TOM1L2: variants seen among roughly 807,000 people sequenced by gnomAD.
TOM1L2 encodes TOM1-like protein 2.
In TOM1L2, 31 loss-of-function variants were observed where a neutral mutation model predicts 67.9. The ratio of observed to expected loss-of-function variants is 0.46; its 90% confidence interval spans 0.34 to 0.62. The LOEUF is 0.62. TOM1L2 is among the 20% of genes least tolerant of loss of function. The pLI is 0.01. For synonymous variants in TOM1L2, 256 were observed against 254.0 expected (o/e 1.01, Z -0.07); for missense variants, 606 against 663.5 (o/e 0.91, Z 0.95).
At position 17,960,973 on chromosome 17, in the gene TOM1L2, C is replaced by G. The variant is rs528294689; in HGVS notation, c.52+11289G>C. On this transcript the variant is annotated intron_variant, in intron 1 of 14. Transcript: ENST00000379504. ...TAAAACTTTTGTGCATTAAAGGACA[C>G]TATAAACAGAGTATAAAAAGGCAAC... Among the ~76,000 whole-genome samples, 26 of 152,188 alleles carry G rather than the reference C, an allele frequency of 1.7e-4. 2 individuals are homozygous for G. In the South Asian group the frequency reaches 5.2e-3, roughly 30 times the overall value.
chr17:17,939,600 G>A (rs895084068), intron 1 of TOM1L2, among the ~76,000 whole-genome samples: 1 of 152,092 alleles, frequency 6.6e-6, no homozygotes, highest in Admixed American at 6.5e-5. Context: ...AATCTAATAG[G>A]TCATGAGTTG....
At chr17:17,946,917 G>C (rs1023383932) in intron 1 of TOM1L2, among the ~76,000 whole-genome samples, 1 of 152,150 alleles carries the variant, frequency 6.6e-6, no homozygotes, top group African/African-American at 2.4e-5. Context: ...TAGAAATGGA[G>C]TTTTACCACG....
chr17:17,929,214 T>C (rs2040225597), intron 1 of TOM1L2, among the ~76,000 whole-genome samples: 1 of 152,224 alleles, frequency 6.6e-6, no homozygotes, highest in Non-Finnish European at 1.5e-5. Flanking sequence ...ACTGCCCATC[T>C]AGACAGAAGT....
In TOM1L2 at chr17:17,861,460, AG is replaced by A; in HGVS notation, c.1278+15del. The A allele has an allele frequency of 6.2e-7, 1 of 1,611,964 alleles. No homozygotes were observed. The highest frequency in any genetic ancestry group is 1.3e-5 in the African/African-American group (1 of 74,984). On this transcript the variant is annotated intron_variant, in intron 12 of 14. Transcript: ENST00000379504. ...TCCAGAAGACTCCAGGCAGAAAAAC[AG>A]GGTTAAAGACCTACCCCTTCTGAAC...
intron 2 of TOM1L2, 43 bp downstream of exon 2, chr17:17,907,404 T>C: frequency 6.3e-7 from 1 of 1,595,984 alleles, no homozygotes; most frequent in Non-Finnish European, 8.6e-7. Context: ...GAGTGGCCCC[T>C]AAAAGCTCAG....
At chr17:17,888,794 A>C (rs2038121501) in intron 4 of TOM1L2, among the ~76,000 whole-genome samples, 1 of 152,226 alleles carries the variant, frequency 6.6e-6, no homozygotes, top group Admixed American at 6.5e-5. Context: ...AAACAATTTC[A>C]AGGGAAAGGC....
chr17:17,956,154 A>G (rs1206981749), intron 1 of TOM1L2, among the ~76,000 whole-genome samples: 3 of 152,218 alleles, frequency 2.0e-5, no homozygotes, highest in South Asian at 4.1e-4. Flanking sequence ...CCCCACCCAC[A>G]TCCTGCTGAT....
At chr17:17,853,013 T>C (rs1232145072) in intron 12 of TOM1L2, among the ~76,000 whole-genome samples, 2 of 152,022 alleles carry the variant, frequency 1.3e-5, no homozygotes, top group African/African-American at 4.8e-5. Context: ...GTGTTAACAA[T>C]GCCTAAGGCT....
intron 1 of TOM1L2, among the ~76,000 whole-genome samples, chr17:17,933,425 A>G (rs781229912): frequency 1.3e-5 from 2 of 152,008 alleles, no homozygotes; most frequent in Non-Finnish European, 2.9e-5. Context: ...ACAAAATCAG[A>G]CTCCGTCAGA....
At chr17:17,912,214 C>T (rs538166162) in intron 1 of TOM1L2, among the ~76,000 whole-genome samples, 1 of 151,788 alleles carries the variant, frequency 6.6e-6, no homozygotes, top group African/African-American at 2.4e-5. Flanking sequence ...GGGCTCCTCA[C>T]TTCCCAGTAG....
intron 1 of TOM1L2, among the ~76,000 whole-genome samples, chr17:17,970,235 T>G (rs1428597848): frequency 6.6e-6 from 1 of 151,996 alleles, no homozygotes; most frequent in Non-Finnish European, 1.5e-5. Context: ...TCTTTTTTTT[T>G]TTGGATTTTT....
intron 4 of TOM1L2, among the ~76,000 whole-genome samples, chr17:17,885,388 G>A (rs2037941961): frequency 6.6e-6 from 1 of 152,234 alleles, no homozygotes; most frequent in African/African-American, 2.4e-5. Context: ...GGGAAGAAGA[G>A]CCCATTGGGA....
Position 17,848,814 on chromosome 17 carries a change from A to G in TOM1L2, c.1375+9T>C, listed in dbSNP as rs1255261397. 6.2e-7 allele frequency: 1 copy of G among 1,614,090 alleles called. No homozygotes were observed. The highest frequency in any genetic ancestry group is 1.7e-5 in the Admixed American group (1 of 60,024). ...AAAGGGGGCTGTAAGGCCACTGGCCAGGCCATACCTTCACTTGTGACACCC... is the reference window on the plus strand; with the variant it reads ...AAAGGGGGCTGTAAGGCCACTGGCCGGGCCATACCTTCACTTGTGACACCC... On this transcript the variant is annotated intron_variant, in intron 14 of 14. Coordinates refer to ENST00000379504, the MANE Select transcript of TOM1L2 (RefSeq NM_001082968.2).
At chr17:17,877,397 C>T (rs1473062105) in intron 7 of TOM1L2, among the ~76,000 whole-genome samples, 3 of 152,198 alleles carry the variant, frequency 2.0e-5, no homozygotes, top group African/African-American at 7.2e-5. Context: ...TCTGTATTCT[C>T]TGCCCCGAGC....
At chr17:17,962,811 T>A (rs1353883615) in intron 1 of TOM1L2, among the ~76,000 whole-genome samples, 2 of 151,752 alleles carry the variant, frequency 1.3e-5, no homozygotes, top group Non-Finnish European at 2.9e-5. Flanking sequence ...TTGCAAAAAA[T>A]TTAGCTGGGC....
intron 12 of TOM1L2, among the ~76,000 whole-genome samples, chr17:17,855,159 G>A (rs962060315): frequency 3.3e-5 from 5 of 152,138 alleles, no homozygotes; most frequent in African/African-American, 1.2e-4. Flanking sequence ...CCTGCTGTCA[G>A]CTGATTCTCA....
chr17:17,881,076 C>G (rs1412000555), intron 6 of TOM1L2, among the ~76,000 whole-genome samples: 1 of 152,166 alleles, frequency 6.6e-6, no homozygotes, highest in East Asian at 1.9e-4. Context: ...AGGAACTCAG[C>G]TGGGTTGAGC....
chr17:17,857,732 G>A (rs1483691964), intron 12 of TOM1L2: 2 of 1,516,196 alleles, frequency 1.3e-6, no homozygotes, highest in Non-Finnish European at 1.8e-6. Context: ...AGGGGCTGGG[G>A]TGGACAGCAG....
intron 1 of TOM1L2, among the ~76,000 whole-genome samples, 185 bp downstream of exon 1, chr17:17,972,061 AGCCCGCCCGTGAGGTG>A (rs1273822201): frequency 6.7e-6 from 1 of 149,406 alleles, no homozygotes; most frequent in Non-Finnish European, 1.5e-5. Context: ...CAGGATGCCC[AGCCCGCCCGTGAGGTG>A]GCACAAGCGC....
Sources: gnomAD v4.1 joint callset for allele counts (sites outside exome capture counted in the v4.1 genomes callset) on GRCh38, gnomAD v4.1.1 for gene constraint, MANE v1.5 for transcripts, NCBI Gene and HGNC (gene_info 2026-07-23, HGNC 2026-07-21) for gene names.